The following SH3BP5 variants were observed in gnomAD, a reference collection of about 807,000 sequenced individuals.
SH3BP5 encodes the protein SH3 domain-binding protein 5.
SH3BP5 carries 22 observed loss-of-function variants against 43.3 expected under a neutral mutation model. That is an observed-to-expected ratio of 0.51 (90% CI 0.36 to 0.73). SH3BP5 has a LOEUF of 0.73. SH3BP5 is among the 30% of genes least tolerant of loss of function. SH3BP5 has a pLI of 0.00. For synonymous variants in SH3BP5, 255 were observed against 225.8 expected, an observed-to-expected ratio of 1.13 and a Z score of -1.16; for missense variants, 529 against 586.9, an observed-to-expected ratio of 0.90 and a Z score of 1.02.
intron 2 of SH3BP5, among the ~76,000 whole-genome samples, chr3:15,329,372 A>G (rs980753998): frequency 2.6e-5 from 4 of 152,218 alleles, no homozygotes; most frequent in African/African-American, 7.2e-5. Context: ...CATCACAGAC[A>G]GACTCAATTC....
At chr3:15,304,447 G>T in intron 2 of SH3BP5, 1 of 711,348 alleles carries the variant, frequency 1.4e-6, no homozygotes, top group Non-Finnish European at 2.5e-6. Flanking sequence ...CAGTGTGGCG[G>T]CCACCAGCCA....
chr3:15,293,241 C>T (rs147224346), intron 3 of SH3BP5, among the ~76,000 whole-genome samples: 232 of 152,334 alleles, frequency 1.5e-3, no homozygotes, highest in Non-Finnish European at 2.1e-3. Flanking sequence ...GCAGGAATGA[C>T]GCAGTTCCCA....
chr3:15,291,522 T>A (rs183873004), intron 3 of SH3BP5, among the ~76,000 whole-genome samples: 16 of 152,340 alleles, frequency 1.1e-4, no homozygotes, highest in Non-Finnish European at 2.4e-4. Context: ...ATCTGAAATT[T>A]AACTGGGTGT....
At chr3:15,298,328 C>T (rs919984561) in intron 3 of SH3BP5, among the ~76,000 whole-genome samples, 1 of 152,132 alleles carries the variant, frequency 6.6e-6, no homozygotes, top group African/African-American at 2.4e-5. Flanking sequence ...GCCAAAGGTC[C>T]CACAGCTTTT....
intron 3 of SH3BP5, among the ~76,000 whole-genome samples, chr3:15,276,921 C>G (rs868119127): frequency 3.9e-5 from 6 of 151,942 alleles, no homozygotes; most frequent in African/African-American, 1.5e-4. Flanking sequence ...CAAAATAACC[C>G]GACAGGCCTA....
At chr3:15,309,746 G>A (rs563374468) in intron 2 of SH3BP5, among the ~76,000 whole-genome samples, 1 of 152,156 alleles carries the variant, frequency 6.6e-6, no homozygotes, top group African/African-American at 2.4e-5. Context: ...ACCATCAAAG[G>A]GTATTAAACC....
At position 15,265,797 on chromosome 3, in the gene SH3BP5, C is replaced by G. The variant is rs192676801; in HGVS notation, c.496-3508G>C. 5.6e-4 allele frequency among the ~76,000 whole-genome samples: 85 copies of G among 152,168 alleles called. No homozygotes were observed. In the East Asian group the frequency reaches 5.6e-3, roughly 10 times the overall value. ...AACTGCACCCCATACTCCGGAGCAG[C>G]ATACTCCGGAGATGCTGAAGATCCA... On this transcript the variant is annotated intron_variant, in intron 4 of 8. Coordinates refer to ENST00000383791, the MANE Select transcript of SH3BP5 (RefSeq NM_004844.5).
At chr3:15,266,111 G>A in intron 4 of SH3BP5, among the ~76,000 whole-genome samples, 1 of 152,200 alleles carries the variant, frequency 6.6e-6, no homozygotes, top group Admixed American at 6.5e-5. Flanking sequence ...CAACATCACA[G>A]AGGGGCGGTC....
rs576126028 is a variant in SH3BP5 at position 15,259,695 on chromosome 3, C to T, written c.669+66G>A. On this transcript the variant is annotated intron_variant, in intron 6 of 8. Coordinates refer to ENST00000383791, the MANE Select transcript of SH3BP5 (RefSeq NM_004844.5). ...AGTGGCCCATGTGATACTCTGCTAC[C>T]CCAGAAAAGTGAAGCTTTGAGTGCA... is the stretch of plus-strand genomic sequence containing the variant. 62 of 1,451,948 alleles carry T rather than the reference C, an allele frequency of 4.3e-5. No individual in the cohort carries two copies. In the African/African-American group the frequency reaches 6.7e-4, roughly 16 times the overall value. 89.9% of individuals were successfully genotyped at this position (1,451,948 alleles called of 1,614,324 possible).
intron 3 of SH3BP5, among the ~76,000 whole-genome samples, chr3:15,292,520 G>A (rs1416619026): frequency 6.6e-6 from 1 of 152,170 alleles, no homozygotes; most frequent in Non-Finnish European, 1.5e-5. Context: ...CAGACAGAAT[G>A]GGGTTGAATG....
At position 15,332,511 on chromosome 3, in the gene SH3BP5, T is replaced by A; in HGVS notation, c.-103A>T. 1 of 1,265,746 alleles carries A rather than the reference T, an allele frequency of 7.9e-7. No individual in the cohort carries two copies. Among genetic ancestry groups the A allele is most frequent in the African/African-American group, 1.6e-5 (1 of 63,906 alleles). 78.4% of individuals were successfully genotyped at this position (1,265,746 alleles called of 1,614,324 possible). On this transcript the variant is annotated 5_prime_UTR_variant, in exon 1 of 9. Coordinates refer to ENST00000383791, the MANE Select transcript of SH3BP5 (RefSeq NM_004844.5). Reference sequence around the variant, plus strand: ...GCCGCCTCGCCACAGCCGGGCACGGTCGGGGAGCCGCCGGGGCCGACACCC... The same window carrying A: ...GCCGCCTCGCCACAGCCGGGCACGGACGGGGAGCCGCCGGGGCCGACACCC...
At position 15,332,551 on chromosome 3, in the gene SH3BP5, G is replaced by A. The variant is rs1698643183; in HGVS notation, c.-143C>T. ...GGCCGACACCCGGGAGACGCAGCTCGCCGATGCGGATACCTCCGGCCGCGG... is the reference window on the plus strand; with the variant it reads ...GGCCGACACCCGGGAGACGCAGCTCACCGATGCGGATACCTCCGGCCGCGG... On this transcript the variant is annotated 5_prime_UTR_variant, in exon 1 of 9. Transcript: ENST00000383791. The A allele has an allele frequency of 8.1e-7, 1 of 1,236,068 alleles. No homozygotes were observed. The highest frequency in any genetic ancestry group is 1.0e-6 in the Non-Finnish European group (1 of 991,858). 76.6% of individuals were successfully genotyped at this position (1,236,068 alleles called of 1,614,324 possible).
At chr3:15,263,032 A>AC (rs1326733530) in intron 4 of SH3BP5, among the ~76,000 whole-genome samples, 1 of 152,216 alleles carries the variant, frequency 6.6e-6, no homozygotes, top group Admixed American at 6.5e-5. Context: ...CTAAGAATAA[A>AC]CCAACTTCCC....
chr3:15,292,011 C>T lies in SH3BP5; in HGVS notation c.330+12092G>A, dbSNP rs1324325450. Among the ~76,000 whole-genome samples, 4 of 152,132 alleles carry T rather than the reference C, an allele frequency of 2.6e-5. No homozygotes were observed. The South Asian group carries it at 8.3e-4, about 32-fold the overall frequency. On this transcript the variant is annotated intron_variant, in intron 3 of 8. Coordinates refer to ENST00000383791, the MANE Select transcript of SH3BP5 (RefSeq NM_004844.5). ...CACAGCCGGGGCCCAAACCTCGTCA[C>T]CAGGCAACATAAAAAGGCCAGCCTG...
chr3:15,298,465 G>T (rs1697638381), intron 3 of SH3BP5, among the ~76,000 whole-genome samples: 3 of 152,188 alleles, frequency 2.0e-5, no homozygotes. Context: ...GCAACTTTCA[G>T]CACTAAATAA....
At chr3:15,278,056 C>T (rs890749701) in intron 3 of SH3BP5, among the ~76,000 whole-genome samples, 8 of 152,358 alleles carry the variant, frequency 5.3e-5, no homozygotes, top group South Asian at 2.1e-4. Context: ...TTCTACCCCT[C>T]GTGCTTCGCT....
At chr3:15,302,810 T>C (rs1274264415) in intron 3 of SH3BP5, among the ~76,000 whole-genome samples, 2 of 151,336 alleles carry the variant, frequency 1.3e-5, no homozygotes, top group Non-Finnish European at 3.0e-5. Flanking sequence ...CATTTTTTCT[T>C]TCTTTTTTTT....
intron 3 of SH3BP5, among the ~76,000 whole-genome samples, chr3:15,271,886 G>A (rs1271821740): frequency 2.0e-5 from 3 of 152,078 alleles, no homozygotes; most frequent in Admixed American, 2.0e-4. Context: ...CCACTCTACA[G>A]GCTCACCTTG....
intron 3 of SH3BP5, among the ~76,000 whole-genome samples, chr3:15,295,732 C>G (rs966164373): frequency 6.6e-6 from 1 of 152,096 alleles, no homozygotes; most frequent in Non-Finnish European, 1.5e-5. Flanking sequence ...AAGTAACATC[C>G]GCTGTGCATG....
Sources: allele counts gnomAD v4.1 joint callset (sites outside exome capture counted in the v4.1 genomes callset), GRCh38; gene constraint gnomAD v4.1.1; transcripts MANE v1.5; gene names NCBI Gene and HGNC (gene_info 2026-07-23, HGNC 2026-07-21).